The following WFIKKN2 variants were observed in gnomAD, a reference collection of about 807,000 sequenced individuals.
The protein encoded by WFIKKN2 is WAP, Kazal, immunoglobulin, Kunitz and NTR domain-containing protein 2.
In WFIKKN2, 25 loss-of-function variants were observed where a neutral mutation model predicts 39.2. The ratio of observed to expected loss-of-function variants is 0.64; its 90% CI spans 0.47 to 0.89. The LOEUF (loss-of-function observed/expected upper bound fraction) is 0.89. Ranked by LOEUF, WFIKKN2 falls within the 40% of genes least tolerant of loss-of-function variation. The pLI is 0.00. For synonymous variants in WFIKKN2, 345 were observed against 329.7 expected (o/e 1.05, Z -0.50); for missense variants, 770 against 811.7 (o/e 0.95, Z 0.62).
Position 50,841,405 on chromosome 17 carries a change from T to G in WFIKKN2, c.*386T>G, listed in dbSNP as rs1254694364. The G allele has an allele frequency of 1.7e-5, 3 of 171,944 alleles. No homozygotes were observed. Among genetic ancestry groups the G allele is most frequent in the Non-Finnish European group, 3.7e-5 (3 of 80,342 alleles). The allele number at this position is 171,944 out of a possible 1,614,324, so 10.7% of individuals were successfully genotyped here. A position where few individuals can be genotyped will look rare whatever the true frequency, so the allele number is the denominator to read the frequency against. ...GCTGTGTGCTGGTCACAGGAAGTGT[T>G]GAATGGATTGGCTTGCAAAGGGGGT... On this transcript the variant is annotated 3_prime_UTR_variant, in exon 2 of 2. Transcript: ENST00000311378.
rs1359452902 is a variant in WFIKKN2 at position 50,840,591 on chromosome 17, T to C, written c.1303T>C (p.Ser435Pro). The change falls in exon 2 of 2, where the codon TCG (serine) becomes CCG (proline). Residue 435 changes from serine to proline, a missense_variant. Transcript: ENST00000311378. ...TGAGAGCCGTGAGGCCTGTGAGGAGTCGTGCCCCTTCCCCAGGGGGAACCA... is the reference window on the plus strand; with the variant it reads ...TGAGAGCCGTGAGGCCTGTGAGGAGCCGTGCCCCTTCCCCAGGGGGAACCA... Reference protein sequence around the residue: ...NFESREACEESCPFPRGNQRC... With the variant: ...NFESREACEEPCPFPRGNQRC... The C allele has an allele frequency of 1.9e-6, 3 of 1,613,236 alleles. No homozygotes were observed. The highest frequency in any genetic ancestry group is 2.5e-6 in the Non-Finnish European group (3 of 1,179,814).
chr17:50,834,952 C>G (rs1442564066), upstream of WFIKKN2: 1 of 152,128 alleles, frequency 6.6e-6, no homozygotes, highest in East Asian at 1.9e-4. Context: ...ACACTGTGAC[C>G]GCGGAGGTTT....
chr17:50,839,072 A>G (rs1971996050), intron 1 of WFIKKN2, among the ~76,000 whole-genome samples: 1 of 152,264 alleles, frequency 6.6e-6, no homozygotes, highest in South Asian at 2.1e-4. Context: ...TTGTTCTGCC[A>G]CTTCCCGTCT....
Position 50,839,915 on chromosome 17 carries a change from C to A in WFIKKN2, c.627C>A (p.Ala209=). The A allele has an allele frequency of 6.2e-7, 1 of 1,614,198 alleles. No individual in the cohort carries two copies. The highest frequency in any genetic ancestry group is 8.5e-7 in the Non-Finnish European group (1 of 1,180,040). Reference sequence around the variant, plus strand: ...AGACCCCTGAGCTGGACATGGCGGCCCCTGCGCTGCTCAACAACCCTGTGC... The same window carrying A: ...AGACCCCTGAGCTGGACATGGCGGCACCTGCGCTGCTCAACAACCCTGTGC... ...SPETPELDMA[A]PALLNNPVHQ... The change falls in exon 2 of 2, where the codon GCC becomes GCA. Residue 209 remains alanine, a synonymous_variant. Transcript: ENST00000311378.
chr17:50,840,988 A>G lies in WFIKKN2; in HGVS notation c.1700A>G (p.Asp567Gly). 1 of 1,549,328 alleles carries G rather than the reference A, an allele frequency of 6.5e-7. No individual in the cohort carries two copies. Among genetic ancestry groups the G allele is most frequent in the Non-Finnish European group, 8.7e-7 (1 of 1,145,688 alleles). ...GAGGTCATGCACAAGAAGACCTGTG[A>G]CGTCCTCAAGGAGTTTCTTGGCTTG... is the stretch of plus-strand genomic sequence containing the variant. The part of the protein sequence containing the change: ...LREVMHKKTC[D>G]VLKEFLGLH The change falls in exon 2 of 2, where the codon GAC becomes GGC. Residue 567 changes from aspartate to glycine, a missense_variant. Asp to Gly is a moderately conservative substitution (Grantham distance 94). Transcript: ENST00000311378.
In WFIKKN2 at chr17:50,839,502, T is replaced by C. The variant is rs1402844485; in HGVS notation, c.214T>C (p.Cys72Arg). Residue 72 changes from cysteine to arginine, a missense_variant, in exon 2 of 2, where the codon TGT becomes CGT. Coordinates refer to ENST00000311378, the MANE Select transcript of WFIKKN2 (RefSeq NM_175575.6). ...CRRECETDQE[C>R]ETYEKCCPNV... ...CCACTCTCTCTGGCTCTTTCAGGAG[T>C]GTGAGACCTATGAGAAGTGCTGCCC... 6.2e-7 allele frequency: 1 copy of C among 1,611,222 alleles called. No homozygotes were observed. Among genetic ancestry groups the C allele is most frequent in the Non-Finnish European group, 8.5e-7 (1 of 1,178,212 alleles).
At chr17:50,839,415 C>A in intron 1 of WFIKKN2, 84 bp from the exon 2 acceptor site, 1 of 1,348,948 alleles carries the variant, frequency 7.4e-7, no homozygotes, top group Non-Finnish European at 1.0e-6. Flanking sequence ...TGTTAGTTCT[C>A]CTCCCCACAA....
intron 1 of WFIKKN2, 144 bp from the exon 2 acceptor site, chr17:50,839,355 G>T: frequency 1.4e-6 from 1 of 736,380 alleles, no homozygotes; most frequent in Non-Finnish European, 2.2e-6. Context: ...TGCTACGTAT[G>T]CATTCGTTAT....
At position 50,839,496 on chromosome 17, in the gene WFIKKN2, C is replaced by T. The variant is rs755317556; in HGVS notation, c.211-3C>T. 7.5e-6 allele frequency: 12 copies of T among 1,609,180 alleles called. No homozygotes were observed. The highest frequency in any genetic ancestry group is 1.7e-4 in the Middle Eastern group (1 of 6,042). On this transcript the variant is annotated splice_polypyrimidine_tract_variant and splice_region_variant and intron_variant, in intron 1 of 1. Transcript: ENST00000311378. ...TTCAGGCCACTCTCTCTGGCTCTTT[C>T]AGGAGTGTGAGACCTATGAGAAGTG... is the stretch of plus-strand genomic sequence containing the variant.
chr17:50,839,292 T>C (rs962173395), intron 1 of WFIKKN2, among the ~76,000 whole-genome samples: 3 of 152,220 alleles, frequency 2.0e-5, no homozygotes, highest in African/African-American at 7.2e-5. Context: ...GTGATGAGCA[T>C]AGCAAGCTCA....
In WFIKKN2 at chr17:50,840,181, C is replaced by A; in HGVS notation, c.893C>A (p.Ala298Asp). ...CGGAACGTGGCTGGGGTCCTGAGGG[C>A]TGATTTCCCGCTGTCGGTGGTCAGG... ...TARNVAGVLR[A>D]DFPLSVVRGH... Residue 298 changes from alanine (A) to aspartate (D), a missense_variant, in exon 2 of 2, where the codon GCT (alanine) becomes GAT (aspartate). By Grantham distance (126) the Ala-to-Asp change is moderately radical. Transcript: ENST00000311378. 6.2e-7 allele frequency: 1 copy of A among 1,613,880 alleles called. No individual in the cohort carries two copies. Among genetic ancestry groups the A allele is most frequent in the African/African-American group, 1.3e-5 (1 of 75,074 alleles).
chr17:50,839,347 C>T, intron 1 of WFIKKN2, 152 bp from the exon 2 acceptor site: 2 of 709,896 alleles, frequency 2.8e-6, no homozygotes, highest in South Asian at 3.8e-5. Context: ...GTAGGAGATG[C>T]TACGTATGCA....
Position 50,842,173 on chromosome 17 carries a change from C to G in WFIKKN2, c.*1154C>G, listed in dbSNP as rs1018904909. 2.0e-5 allele frequency: 3 copies of G among 152,364 alleles called. No individual in the cohort carries two copies. The South Asian group carries it at 6.2e-4, about 32-fold the overall frequency. The allele number at this position is 152,364 out of a possible 1,614,324, so 9.4% of individuals were successfully genotyped here. A position where few individuals can be genotyped will look rare whatever the true frequency, so the allele number is the denominator to read the frequency against. On this transcript the variant is annotated 3_prime_UTR_variant, in exon 2 of 2. Coordinates refer to ENST00000311378, the MANE Select transcript of WFIKKN2 (RefSeq NM_175575.6). Reference sequence around the variant, plus strand: ...GGCTTCCTGTGTGATCCTGGCCCTCCGGCCGCTAGAGAGAGGATTGGGAAA... The same window carrying G: ...GGCTTCCTGTGTGATCCTGGCCCTCGGGCCGCTAGAGAGAGGATTGGGAAA...
upstream of WFIKKN2, chr17:50,835,548 C>T (rs9890963): frequency 0.022 from 3,333 of 153,738 alleles, 99 homozygotes; most frequent in African/African-American, 0.11. Context: ...TTTTTTTTTT[C>T]CCCCCTTCTG....
In WFIKKN2 at chr17:50,840,164, G is replaced by T. The variant is rs780562498; in HGVS notation, c.876G>T (p.Val292=). Residue 292 remains valine (V), a synonymous_variant, in exon 2 of 2, where the codon GTG becomes GTT. Transcript: ENST00000311378. ...TCTACACCTGCACGGCCCGGAACGT[G>T]GCTGGGGTCCTGAGGGCTGATTTCC... ...AGIYTCTARN[V]AGVLRADFPL... is the part of the protein sequence containing the mutation. The T allele has an allele frequency of 1.2e-6, 2 of 1,613,878 alleles. No individual in the cohort carries two copies. The highest frequency in any genetic ancestry group is 3.3e-5 in the Admixed American group (2 of 60,014).
In WFIKKN2 at chr17:50,835,710, A is replaced by G. The variant is rs1597979346; in HGVS notation, c.-228A>G. 3 of 569,070 alleles carry G rather than the reference A, an allele frequency of 5.3e-6. No homozygotes were observed. The highest frequency in any genetic ancestry group is 4.9e-5 in the South Asian group (2 of 40,852). 35.3% of individuals were successfully genotyped at this position (569,070 alleles called of 1,614,324 possible). A position where few individuals can be genotyped will look rare whatever the true frequency, so the allele number is the denominator to read the frequency against. ...GCTCCTCTCCCTGCACACTCAGGAG[A>G]GGGAGCTTCCTTCTAAAGACCTTTC... On this transcript the variant is annotated 5_prime_UTR_variant, in exon 1 of 2. Coordinates refer to ENST00000311378, the MANE Select transcript of WFIKKN2 (RefSeq NM_175575.6).
chr17:50,840,724 G>T lies in WFIKKN2; in HGVS notation c.1436G>T (p.Gly479Val). The change falls in exon 2 of 2, where the codon GGC becomes GTC. Residue 479 changes from glycine to valine, a missense_variant. Coordinates refer to ENST00000311378, the MANE Select transcript of WFIKKN2 (RefSeq NM_175575.6). ...VSELTEEPDSGRALVTVDEVL... is the reference protein window; with the variant it reads ...VSELTEEPDSVRALVTVDEVL... ...GAGCTGACCGAGGAGCCTGACTCGGGCCGCGCCCTGGTGACTGTGGATGAG... is the reference window on the plus strand; with the variant it reads ...GAGCTGACCGAGGAGCCTGACTCGGTCCGCGCCCTGGTGACTGTGGATGAG... 6.2e-7 allele frequency: 1 copy of T among 1,613,990 alleles called. No homozygotes were observed. The highest frequency in any genetic ancestry group is 8.5e-7 in the Non-Finnish European group (1 of 1,180,024).
chr17:50,839,953 C>A lies in WFIKKN2; in HGVS notation c.665C>A (p.Thr222Asn), dbSNP rs1972013410. 6.2e-7 allele frequency: 1 copy of A among 1,614,148 alleles called. No homozygotes were observed. Among genetic ancestry groups the A allele is most frequent in the African/African-American group, 1.3e-5 (1 of 75,060 alleles). The stretch of plus-strand genomic sequence containing the variant: ...AACAACCCTGTGCACCAGTCGGTCA[C>A]CATGGGTGAGACAGTGAGCTTCCTC... ...LLNNPVHQSV[T>N]MGETVSFLCD... Residue 222 changes from threonine to asparagine, a missense_variant, in exon 2 of 2, where the codon ACC becomes AAC. Coordinates refer to ENST00000311378, the MANE Select transcript of WFIKKN2 (RefSeq NM_175575.6).
chr17:50,840,606 A>C lies in WFIKKN2; in HGVS notation c.1318A>C (p.Arg440=), dbSNP rs763780240. ...EACEESCPFP[R]GNQRCRACKP... is the part of the protein sequence containing the mutation. ...CTGTGAGGAGTCGTGCCCCTTCCCC[A>C]GGGGGAACCAGCGCTGTCGGGCCTG... The change falls in exon 2 of 2, where the codon AGG becomes CGG. Residue 440 remains arginine, a synonymous_variant. Transcript: ENST00000311378. 6.2e-6 allele frequency: 10 copies of C among 1,613,954 alleles called. No individual in the cohort carries two copies. The highest frequency in any genetic ancestry group is 8.5e-6 in the Non-Finnish European group (10 of 1,180,018).
Sources: gnomAD v4.1 joint callset for allele counts (sites outside exome capture counted in the v4.1 genomes callset) on GRCh38, gnomAD v4.1.1 for gene constraint, MANE v1.5 for transcripts, NCBI Gene and HGNC (gene_info 2026-07-23, HGNC 2026-07-21) for gene names.